Variants in ADIPOQ observed in about 807,000 individuals in gnomAD.
ADIPOQ encodes adiponectin.
ADIPOQ carries 19 observed loss-of-function variants against 16.1 expected under a neutral mutation model. The observed-to-expected ratio is 1.18, with a 90% confidence interval of 0.82 to 1.73. The LOEUF (loss-of-function observed/expected upper bound fraction) is 1.73. Ranked by LOEUF, ADIPOQ falls within the 40% of genes most tolerant of loss-of-function variation. The pLI is 0.00. For synonymous variants in ADIPOQ, 124 were observed against 125.5 expected (o/e 0.99, Z 0.08); for missense variants, 323 against 308.3 (o/e 1.05, Z -0.36).
chr3:186,854,833 C>A lies in ADIPOQ; in HGVS notation c.*129C>A. The A allele has an allele frequency of 7.8e-7, 1 of 1,285,986 alleles. No homozygotes were observed. Among genetic ancestry groups the A allele is most frequent in the Non-Finnish European group, 1.1e-6 (1 of 911,162 alleles). The allele number at this position is 1,285,986 out of a possible 1,614,324, so 79.7% of individuals were successfully genotyped here. On this transcript the variant is annotated 3_prime_UTR_variant, in exon 3 of 3. Coordinates refer to ENST00000320741, the MANE Select transcript of ADIPOQ (RefSeq NM_004797.4). ...GATATTATTCATTCATTTACTCATT[C>A]ATTTATTCATTCATTCATCGAGTAA...
chr3:186,854,819 T>A lies in ADIPOQ; in HGVS notation c.*115T>A. 4.4e-6 allele frequency: 6 copies of A among 1,360,124 alleles called. No homozygotes were observed. The highest frequency in any genetic ancestry group is 5.1e-6 in the Non-Finnish European group (5 of 971,772). The allele number at this position is 1,360,124 out of a possible 1,614,324, so 84.3% of individuals were successfully genotyped here. A position where few individuals can be genotyped will look rare whatever the true frequency, so the allele number is the denominator to read the frequency against. On this transcript the variant is annotated 3_prime_UTR_variant, in exon 3 of 3. Transcript: ENST00000320741. ...GTTGGAGGCCTTTAGATATTATTCA[T>A]TCATTTACTCATTCATTTATTCATT...
chr3:186,853,886 G>A (rs979090172), intron 2 of ADIPOQ: 6 of 331,614 alleles, frequency 1.8e-5, no homozygotes, highest in Non-Finnish European at 2.8e-5. Context: ...GATGGAGGGG[G>A]TAGAATTGCA....
intron 1 of ADIPOQ, among the ~76,000 whole-genome samples, chr3:186,850,608 T>C (rs1194171461): frequency 6.6e-6 from 1 of 152,076 alleles, no homozygotes; most frequent in Non-Finnish European, 1.5e-5. Context: ...TATAATTTCT[T>C]ACAGAATATA....
At chr3:186,852,281 C>A (rs1014637864) in intron 1 of ADIPOQ, 1 of 152,496 alleles carries the variant, frequency 6.6e-6, no homozygotes, top group African/African-American at 2.4e-5. Context: ...AGATGGAGAA[C>A]AAGGAGGACT....
intron 1 of ADIPOQ, among the ~76,000 whole-genome samples, chr3:186,848,380 T>C (rs1410565715): frequency 6.6e-6 from 1 of 152,078 alleles, no homozygotes; most frequent in Non-Finnish European, 1.5e-5. Context: ...TATTTTTATA[T>C]GTTTGTCGTT....
chr3:186,846,915 G>A (rs1264772900), intron 1 of ADIPOQ, among the ~76,000 whole-genome samples: 6 of 152,168 alleles, frequency 3.9e-5, no homozygotes. Context: ...ATATTGAAAG[G>A]CAGGATGTGT....
At chr3:186,853,609 G>T (rs914114758) in intron 2 of ADIPOQ, among the ~76,000 whole-genome samples, 3 of 152,026 alleles carry the variant, frequency 2.0e-5, no homozygotes, top group Non-Finnish European at 4.4e-5. Context: ...CACATTTACT[G>T]CACACCCCCT....
rs1711857605 is a variant in ADIPOQ, at chr3:186,853,285, C to T, written c.214+13C>T. 4 of 1,576,280 alleles carry T rather than the reference C, an allele frequency of 2.5e-6. No homozygotes were observed. The African/African-American group carries it at 4.0e-5, about 16-fold the overall frequency. ...AAAGGAGATCCAGGTAAGAATGTTT[C>T]TGGCCTCTTTCATCACAGACCTCCT... On this transcript the variant is annotated intron_variant, in intron 2 of 2. Coordinates refer to ENST00000320741, the MANE Select transcript of ADIPOQ (RefSeq NM_004797.4).
Position 186,853,878 on chromosome 3 carries a change from T to C in ADIPOQ, c.215-306T>C, listed in dbSNP as rs189684326. The C allele has an allele frequency of 2.3e-3, 678 of 293,642 alleles. 3 individuals carry two copies. The highest frequency in any genetic ancestry group is 0.013 in the African/African-American group (559 of 44,460). The allele number at this position is 293,642 out of a possible 1,614,324, so 18.2% of individuals were successfully genotyped here. ...AATAGAGGAGGAGAGACATCCTAGATGGAGGGGGTAGAATTGCAAAACCAG... is the reference window on the plus strand; with the variant it reads ...AATAGAGGAGGAGAGACATCCTAGACGGAGGGGGTAGAATTGCAAAACCAG... On this transcript the variant is annotated intron_variant, in intron 2 of 2. Coordinates refer to ENST00000320741, the MANE Select transcript of ADIPOQ (RefSeq NM_004797.4).
At chr3:186,851,493 G>C (rs1172762922) in intron 1 of ADIPOQ, among the ~76,000 whole-genome samples, 1 of 151,980 alleles carries the variant, frequency 6.6e-6, no homozygotes. Flanking sequence ...TTCTGGGAGG[G>C]GGATATCAAA....
At position 186,857,943 on chromosome 3, in the gene ADIPOQ, C is replaced by CTT. The variant is rs1376318645; in HGVS notation, c.*3240_*3241insTT. The CTT allele has an allele frequency of 1.3e-5, 2 of 150,394 alleles. No homozygotes were observed. The highest frequency in any genetic ancestry group is 4.9e-5 in the African/African-American group (2 of 41,046). 9.3% of individuals were successfully genotyped at this position (150,394 alleles called of 1,614,324 possible). A position where few individuals can be genotyped will look rare whatever the true frequency, so the allele number is the denominator to read the frequency against. On this transcript the variant is annotated 3_prime_UTR_variant, in exon 3 of 3. Coordinates refer to ENST00000320741, the MANE Select transcript of ADIPOQ (RefSeq NM_004797.4). The stretch of plus-strand genomic sequence containing the variant: ...TTCCTTCCTTTCTTTCTCTCTCTCT[C>CTT]TCTTTCCTTCCTTCCTTCCTCCTTT...
At position 186,853,288 on chromosome 3, in the gene ADIPOQ, G is replaced by A. The variant is rs754931505; in HGVS notation, c.214+16G>A. ...GGAGATCCAGGTAAGAATGTTTCTG[G>A]CCTCTTTCATCACAGACCTCCTACA... On this transcript the variant is annotated intron_variant, in intron 2 of 2. Coordinates refer to ENST00000320741, the MANE Select transcript of ADIPOQ (RefSeq NM_004797.4). 3.1e-5 allele frequency: 48 copies of A among 1,572,190 alleles called. No homozygotes were observed. Among genetic ancestry groups the A allele is most frequent in the Non-Finnish European group, 3.9e-5 (45 of 1,157,894 alleles).
intron 1 of ADIPOQ, among the ~76,000 whole-genome samples, chr3:186,844,105 G>A (rs1281050365): frequency 6.6e-6 from 1 of 152,226 alleles, no homozygotes; most frequent in Non-Finnish European, 1.5e-5. Flanking sequence ...GCATGATGGT[G>A]TCAGCTTTGT....
In ADIPOQ at chr3:186,853,135, G is replaced by A. The variant is rs769840595; in HGVS notation, c.77G>A (p.Gly26Glu). ...CAGGAAACCACGACTCAAGGGCCCG[G>A]AGTCCTGCTTCCCCTGCCCAAGGGG... Reference protein sequence around the residue: ...HDQETTTQGPGVLLPLPKGAC... With the variant: ...HDQETTTQGPEVLLPLPKGAC... The change falls in exon 2 of 3, where the codon GGA becomes GAA. Residue 26 changes from glycine (G) to glutamate (E), a missense_variant. Physicochemically the swap from Gly to Glu is moderately conservative, Grantham distance 98. Transcript: ENST00000320741. The A allele has an allele frequency of 2.5e-6, 4 of 1,614,224 alleles. No homozygotes were observed. In the South Asian group the frequency reaches 4.4e-5, roughly 18 times the overall value.
In ADIPOQ at chr3:186,856,745, G is replaced by A. The variant is rs553522183; in HGVS notation, c.*2041G>A. On this transcript the variant is annotated 3_prime_UTR_variant, in exon 3 of 3. Coordinates refer to ENST00000320741, the MANE Select transcript of ADIPOQ (RefSeq NM_004797.4). ...TTGAGAAAGATAGATATGAGGTTTA[G>A]AGAGGGATGAAGAGGTGAGAGTAAG... is the stretch of plus-strand genomic sequence containing the variant. The A allele has an allele frequency of 6.6e-6, 1 of 152,278 alleles. No homozygotes were observed. Among genetic ancestry groups the A allele is most frequent in the East Asian group, 1.9e-4 (1 of 5,186 alleles). 9.4% of individuals were successfully genotyped at this position (152,278 alleles called of 1,614,324 possible).
In ADIPOQ at chr3:186,857,394, G is replaced by T. The variant is rs1224807788; in HGVS notation, c.*2690G>T. 6.6e-6 allele frequency: 1 copy of T among 152,202 alleles called. No homozygotes were observed. Among genetic ancestry groups the T allele is most frequent in the Non-Finnish European group, 1.5e-5 (1 of 68,034 alleles). The allele number at this position is 152,202 out of a possible 1,614,324, so 9.4% of individuals were successfully genotyped here. ...TACCTGTCCACAACAAACTCTTAAT[G>T]CTGTGTTTGAGCTTTCATGAGTTTC... On this transcript the variant is annotated 3_prime_UTR_variant, in exon 3 of 3. Coordinates refer to ENST00000320741, the MANE Select transcript of ADIPOQ (RefSeq NM_004797.4).
In ADIPOQ at chr3:186,853,110, C is replaced by A; in HGVS notation, c.52C>A (p.Gln18Lys). 1 of 1,614,178 alleles carries A rather than the reference C, an allele frequency of 6.2e-7. No homozygotes were observed. Among genetic ancestry groups the A allele is most frequent in the African/African-American group, 1.3e-5 (1 of 75,048 alleles). The change falls in exon 2 of 3, where the codon CAG (glutamine) becomes AAG (lysine). Residue 18 changes from glutamine (Q) to lysine (K), a missense_variant. Coordinates refer to ENST00000320741, the MANE Select transcript of ADIPOQ (RefSeq NM_004797.4). Reference sequence around the variant, plus strand: ...GCTATTAGCTCTGCCCGGTCATGACCAGGAAACCACGACTCAAGGGCCCGG... The same window carrying A: ...GCTATTAGCTCTGCCCGGTCATGACAAGGAAACCACGACTCAAGGGCCCGG... ...LLLLALPGHD[Q>K]ETTTQGPGVL... is the part of the protein sequence containing the mutation.
chr3:186,844,579 T>C (rs1711529799), intron 1 of ADIPOQ, among the ~76,000 whole-genome samples: 1 of 151,120 alleles, frequency 6.6e-6, no homozygotes, highest in Admixed American at 6.6e-5. Flanking sequence ...GGTCTCACTC[T>C]ATCACCCAGG....
Position 186,857,850 on chromosome 3 carries a change from T to C in ADIPOQ, c.*3146T>C, listed in dbSNP as rs1712064785. The C allele has an allele frequency of 6.6e-6, 1 of 152,240 alleles. No homozygotes were observed. The highest frequency in any genetic ancestry group is 2.4e-5 in the African/African-American group (1 of 41,462). The allele number at this position is 152,240 out of a possible 1,614,324, so 9.4% of individuals were successfully genotyped here. On this transcript the variant is annotated 3_prime_UTR_variant, in exon 3 of 3. Transcript: ENST00000320741. ...TTATCTGTGATAATTTTCTGTGTTCTGAAGTCTACTTTGTCTAAAAATAAC... is the reference window on the plus strand; with the variant it reads ...TTATCTGTGATAATTTTCTGTGTTCCGAAGTCTACTTTGTCTAAAAATAAC...
Sources: allele counts gnomAD v4.1 joint callset (sites outside exome capture counted in the v4.1 genomes callset), GRCh38; gene constraint gnomAD v4.1.1; transcripts MANE v1.5; gene names NCBI Gene and HGNC (gene_info 2026-07-23, HGNC 2026-07-21).